The following NUDT21 variants were observed in gnomAD, a reference collection of about 807,000 sequenced individuals.
The protein encoded by NUDT21 is nudix hydrolase 21, also known as cleavage and polyadenylation specificity factor subunit 5.
Under a neutral mutation model 29.8 loss-of-function variants are expected in NUDT21, and 5 were observed. That is an observed-to-expected ratio of 0.17 (90% confidence interval 0.09 to 0.35). NUDT21 has a LOEUF of 0.35. NUDT21 is among the 10% of genes least tolerant of loss of function. The probability of loss-of-function intolerance (pLI) is 1.00; values close to 1 mark genes in which losing one functional copy is unlikely to be tolerated. For missense variants in NUDT21, 76 were observed against 276.0 expected (o/e 0.28, Z 5.13); for synonymous variants, 113 against 98.5 (o/e 1.15, Z -0.87).
At chr16:56,434,199 T>A (rs932651646) in intron 6 of NUDT21, 132 bp downstream of exon 6, 1 of 662,964 alleles carries the variant, frequency 1.5e-6, no homozygotes, top group Admixed American at 2.7e-5. Flanking sequence ...TTGCACATGA[T>A]CTAAGAGTCT....
rs1289936528 is a variant in NUDT21 at position 56,430,341 on chromosome 16, T to C, written c.*2371A>G. 2.0e-5 allele frequency: 3 copies of C among 152,244 alleles called. No individual in the cohort carries two copies. The highest frequency in any genetic ancestry group is 4.4e-5 in the Non-Finnish European group (3 of 68,040). 9.4% of individuals were successfully genotyped at this position (152,244 alleles called of 1,614,324 possible). A position where few individuals can be genotyped will look rare whatever the true frequency, so the allele number is the denominator to read the frequency against. On this transcript the variant is annotated 3_prime_UTR_variant, in exon 7 of 7. Transcript: ENST00000300291. ...TTTATAGTTTTTCCCCCTAATCTAC[T>C]AAACATATTCCAGTGTCATTTAGTA...
In NUDT21 at chr16:56,446,742, C is replaced by T. The variant is rs992171114; in HGVS notation, c.318-53G>A. The T allele has an allele frequency of 4.7e-6, 5 of 1,054,784 alleles. No homozygotes were observed. The Admixed American group carries it at 6.4e-5, about 14-fold the overall frequency. 65.3% of individuals were successfully genotyped at this position (1,054,784 alleles called of 1,614,324 possible). On this transcript the variant is annotated intron_variant, in intron 2 of 6. Transcript: ENST00000300291. ...TCAACTTAATACAATTTGGAGATAA[C>T]AAATAACACAATAATTGTTATTTCT...
Position 56,431,399 on chromosome 16 carries a change from C to G in NUDT21, c.*1313G>C, listed in dbSNP as rs1370002289. The G allele has an allele frequency of 6.6e-6, 1 of 152,040 alleles. No homozygotes were observed. Among genetic ancestry groups the G allele is most frequent in the East Asian group, 1.9e-4 (1 of 5,190 alleles). The allele number at this position is 152,040 out of a possible 1,614,324, so 9.4% of individuals were successfully genotyped here. A position where few individuals can be genotyped will look rare whatever the true frequency, so the allele number is the denominator to read the frequency against. On this transcript the variant is annotated 3_prime_UTR_variant, in exon 7 of 7. Coordinates refer to ENST00000300291, the MANE Select transcript of NUDT21 (RefSeq NM_007006.3). ...ACCATGTGAGGGTTTGACATGACCC[C>G]AACTAAAAAAACTTGAGTGTTTATT...
At chr16:56,443,841 ATAAATCT>A (rs1465422108) in intron 3 of NUDT21, among the ~76,000 whole-genome samples, 1 of 152,222 alleles carries the variant, frequency 6.6e-6, no homozygotes, top group African/African-American at 2.4e-5. Context: ...GGTGAGCCAA[ATAAATCT>A]TTTTCTTTAT....
At chr16:56,433,947 A>G (rs1962065388) in intron 6 of NUDT21, among the ~76,000 whole-genome samples, 1 of 152,204 alleles carries the variant, frequency 6.6e-6, no homozygotes, top group Admixed American at 6.5e-5. Flanking sequence ...TCAGCCTCCC[A>G]AAGTGCTGGG....
chr16:56,440,008 C>T (rs1291141516), intron 3 of NUDT21, among the ~76,000 whole-genome samples: 2 of 152,164 alleles, frequency 1.3e-5, no homozygotes, highest in African/African-American at 2.4e-5. Context: ...TATAGCAGAA[C>T]ACTAAACTTA....
At chr16:56,436,210 G>A (rs1163468437) in intron 4 of NUDT21, among the ~76,000 whole-genome samples, 1 of 151,798 alleles carries the variant, frequency 6.6e-6, no homozygotes, top group East Asian at 1.9e-4. Flanking sequence ...TGAGAGCTGG[G>A]GAATTTAAAA....
At chr16:56,441,029 T>G (rs1301582246) in intron 3 of NUDT21, among the ~76,000 whole-genome samples, 1 of 152,058 alleles carries the variant, frequency 6.6e-6, no homozygotes, top group Non-Finnish European at 1.5e-5. Context: ...CATGAGCCAC[T>G]GCACCGGGCC....
At chr16:56,443,685 G>T (rs1298911806) in intron 3 of NUDT21, among the ~76,000 whole-genome samples, 1 of 152,096 alleles carries the variant, frequency 6.6e-6, no homozygotes, top group African/African-American at 2.4e-5. Flanking sequence ...TGGAGAGAGG[G>T]TTGTTAAAGA....
intron 4 of NUDT21, among the ~76,000 whole-genome samples, chr16:56,435,906 C>T (rs996052669): frequency 4.1e-5 from 6 of 146,176 alleles, no homozygotes; most frequent in Non-Finnish European, 9.0e-5. Context: ...CAACCTCAAA[C>T]CTCCCCGTAT....
chr16:56,439,973 T>A (rs1484629592), intron 3 of NUDT21, among the ~76,000 whole-genome samples: 2 of 152,220 alleles, frequency 1.3e-5, no homozygotes, highest in African/African-American at 2.4e-5. Context: ...GTGTTCAAAA[T>A]TCAGCTTTCA....
At chr16:56,438,853 A>G (rs1962131461) in intron 4 of NUDT21, among the ~76,000 whole-genome samples, 2 of 152,226 alleles carry the variant, frequency 1.3e-5, no homozygotes, top group African/African-American at 2.4e-5. Flanking sequence ...TAATCCAAAC[A>G]AATTATAAAA....
rs1292453950 is a variant in NUDT21, at chr16:56,431,709, A to T, written c.*1003T>A. 2 of 152,088 alleles carry T rather than the reference A, an allele frequency of 1.3e-5. No homozygotes were observed. Among genetic ancestry groups the T allele is most frequent in the African/African-American group, 4.8e-5 (2 of 41,400 alleles). 9.4% of individuals were successfully genotyped at this position (152,088 alleles called of 1,614,324 possible). ...AATATTTTTTATTCCCCCAAATTTG[A>T]TCCGAATTTATCAGTATTTTTTAAA... On this transcript the variant is annotated 3_prime_UTR_variant, in exon 7 of 7. Coordinates refer to ENST00000300291, the MANE Select transcript of NUDT21 (RefSeq NM_007006.3).
chr16:56,443,228 G>A (rs761278941), intron 3 of NUDT21, among the ~76,000 whole-genome samples: 7 of 151,308 alleles, frequency 4.6e-5, no homozygotes, highest in African/African-American at 1.5e-4. Context: ...CCAGGCTGGC[G>A]TGCAGTGGCA....
rs192534908 is a variant in NUDT21, at chr16:56,442,596, G to A, written c.382-2850C>T. Among the ~76,000 whole-genome samples, 394 of 152,278 alleles carry A rather than the reference G, an allele frequency of 2.6e-3. 2 individuals are homozygous for A. The highest frequency in any genetic ancestry group is 8.2e-3 in the African/African-American group (339 of 41,558). Reference sequence around the variant, plus strand: ...TATTTTCGTTTGTAGGATCTAAAACGTCATGATGATATGCCTTTGCGTGGA... The same window carrying A: ...TATTTTCGTTTGTAGGATCTAAAACATCATGATGATATGCCTTTGCGTGGA... On this transcript the variant is annotated intron_variant, in intron 3 of 6. Coordinates refer to ENST00000300291, the MANE Select transcript of NUDT21 (RefSeq NM_007006.3).
At chr16:56,444,620 C>CAAAAAAAAAAAAAAAAAAAAAAAAAA (rs376261802) in intron 3 of NUDT21, among the ~76,000 whole-genome samples, 1 of 111,028 alleles carries the variant, frequency 9.0e-6, no homozygotes, top group Non-Finnish European at 2.0e-5. Context: ...AAAACAAAAA[C>CAAAAAAAAAAAAAAAAAAAAAAAAAA]AAAAAAAAAA....
At position 56,448,527 on chromosome 16, in the gene NUDT21, T is replaced by G. The variant is rs571368531; in HGVS notation, c.117-538A>C. On this transcript the variant is annotated intron_variant, in intron 1 of 6. Transcript: ENST00000300291. ...CAGCCTTTCCTTTTCACAGCAACTC[T>G]TCTACTTTCTCTTTTTGTCCTCTAA... Among the ~76,000 whole-genome samples the G allele has an allele frequency of 4.6e-5, 7 of 152,352 alleles. No homozygotes were observed. The South Asian group carries it at 1.5e-3, about 32-fold the overall frequency.
chr16:56,443,239 T>C (rs557279014), intron 3 of NUDT21, among the ~76,000 whole-genome samples: 1 of 151,892 alleles, frequency 6.6e-6, no homozygotes, highest in African/African-American at 2.4e-5. Context: ...TGCAGTGGCA[T>C]GATCTTGGCT....
intron 3 of NUDT21, among the ~76,000 whole-genome samples, chr16:56,441,137 A>C (rs1263399564): frequency 6.6e-6 from 1 of 152,020 alleles, no homozygotes; most frequent in Non-Finnish European, 1.5e-5. Flanking sequence ...GGCCTCAAGC[A>C]ATCTTCCGGC....
Sources: gnomAD v4.1 joint callset for allele counts (sites outside exome capture counted in the v4.1 genomes callset) on GRCh38, gnomAD v4.1.1 for gene constraint, MANE v1.5 for transcripts, NCBI Gene and HGNC (gene_info 2026-07-23, HGNC 2026-07-21) for gene names.